CEP41: variants seen among roughly 807,000 people sequenced by gnomAD.
The protein encoded by CEP41 is centrosomal protein 41.
In CEP41, 32 loss-of-function variants were observed where a neutral mutation model predicts 44.3. The observed-to-expected ratio is 0.72, with a 90% CI of 0.54 to 0.97. The LOEUF (loss-of-function observed/expected upper bound fraction) is 0.97, where lower values mean the gene tolerates loss of function less well. Ranked by LOEUF, CEP41 falls within the 50% of genes least tolerant of loss-of-function variation. The pLI is 0.00. For synonymous variants in CEP41, 151 were observed against 168.5 expected (o/e 0.90, Z 0.80); for missense variants, 432 against 455.2 (o/e 0.95, Z 0.46).
chr7:130,426,853 C>T (rs1797679906), intron 2 of CEP41: 3 of 250,374 alleles, frequency 1.2e-5, no homozygotes, highest in South Asian at 7.8e-5. Flanking sequence ...TATTGAACTC[C>T]GAATAAATCA....
chr7:130,417,309 G>T lies in CEP41; in HGVS notation c.98-343C>A, dbSNP rs1376840219. On this transcript the variant is annotated intron_variant, in intron 2 of 10. Coordinates refer to ENST00000223208, the MANE Select transcript of CEP41 (RefSeq NM_018718.3). ...TTTTATCTCCCCTGCCCCCGCTGACGATCTTTTTGTGGGGAAGATACACAG... is the reference window on the plus strand; with the variant it reads ...TTTTATCTCCCCTGCCCCCGCTGACTATCTTTTTGTGGGGAAGATACACAG... The T allele has an allele frequency of 2.7e-6, 3 of 1,109,354 alleles. No homozygotes were observed. The East Asian group carries it at 2.1e-4, about 76-fold the overall frequency. The allele number at this position is 1,109,354 out of a possible 1,614,324, so 68.7% of individuals were successfully genotyped here.
At chr7:130,413,447 G>A (rs1484423317) in intron 3 of CEP41, among the ~76,000 whole-genome samples, 1 of 152,018 alleles carries the variant, frequency 6.6e-6, no homozygotes, top group East Asian at 1.9e-4. Flanking sequence ...TGGGCATGGT[G>A]GTGCACACCT....
intron 1 of CEP41, among the ~76,000 whole-genome samples, chr7:130,428,731 G>C (rs1797738740): frequency 6.6e-6 from 1 of 151,798 alleles, no homozygotes; most frequent in Non-Finnish European, 1.5e-5. Context: ...GGCCAACATG[G>C]TGAAACCCCT....
At chr7:130,414,635 C>T (rs1797280992) in intron 3 of CEP41, among the ~76,000 whole-genome samples, 1 of 152,210 alleles carries the variant, frequency 6.6e-6, no homozygotes, top group African/African-American at 2.4e-5. Flanking sequence ...GTCTTCTGCA[C>T]AAGCACTAGC....
chr7:130,398,356 T>C lies in CEP41; in HGVS notation c.*535A>G, dbSNP rs970391131. ...GCAATATGCTGGGCAGAGAGCTCCT[T>C]GCTGAGTGAGCCTGCTGGGGTGGGG... On this transcript the variant is annotated 3_prime_UTR_variant, in exon 11 of 11. Transcript: ENST00000223208. 3.5e-5 allele frequency: 16 copies of C among 453,976 alleles called. No individual in the cohort carries two copies. The highest frequency in any genetic ancestry group is 3.2e-4 in the African/African-American group (16 of 49,988). The allele number at this position is 453,976 out of a possible 1,614,324, so 28.1% of individuals were successfully genotyped here.
At chr7:130,437,789 GAAAAAGAAA>G (rs1798019135) in intron 1 of CEP41, among the ~76,000 whole-genome samples, 1 of 115,422 alleles carries the variant, frequency 8.7e-6, no homozygotes, top group Non-Finnish European at 1.8e-5. Flanking sequence ...AAAAAAAAAA[GAAAAAGAAA>G]AAAAAAGATG....
intron 10 of CEP41, 85 bp from the exon 11 acceptor site, chr7:130,399,124 C>T: frequency 6.5e-7 from 1 of 1,543,256 alleles, no homozygotes; most frequent in South Asian, 1.1e-5. Flanking sequence ...CTAATGAAGT[C>T]CTAGCCTACA....
chr7:130,406,656 T>G (rs1554418278), intron 5 of CEP41, among the ~76,000 whole-genome samples: 1 of 152,060 alleles, frequency 6.6e-6, no homozygotes, highest in Admixed American at 6.6e-5. Context: ...ATTTTGCATA[T>G]GATATGATAA....
chr7:130,417,068 C>T lies in CEP41; in HGVS notation c.98-102G>A, dbSNP rs1797359862. The T allele has an allele frequency of 8.8e-6, 12 of 1,356,040 alleles. No individual in the cohort carries two copies. In the South Asian group the frequency reaches 1.2e-4, roughly 13 times the overall value. The allele number at this position is 1,356,040 out of a possible 1,614,324, so 84.0% of individuals were successfully genotyped here. On this transcript the variant is annotated intron_variant, in intron 2 of 10. Transcript: ENST00000223208. ...AAAAGTATCCCCTAAGCTTTCCTAT[C>T]CTGTTCTTAGGGGATTCTGGACAGC...
chr7:130,395,619 A>G lies in CEP41; in HGVS notation c.*3272T>C. 2.2e-6 allele frequency: 1 copy of G among 454,134 alleles called. No homozygotes were observed. The highest frequency in any genetic ancestry group is 1.6e-5 in the South Asian group (1 of 64,478). 28.1% of individuals were successfully genotyped at this position (454,134 alleles called of 1,614,324 possible). On this transcript the variant is annotated 3_prime_UTR_variant, in exon 11 of 11. Coordinates refer to ENST00000223208, the MANE Select transcript of CEP41 (RefSeq NM_018718.3). ...CATGACAGAAACCAAAACCAACACA[A>G]GAAAAATTACCTACGTATTTCTTCC...
intron 9 of CEP41, 165 bp downstream of exon 9, chr7:130,400,542 T>A: frequency 1.5e-6 from 1 of 670,678 alleles, no homozygotes; most frequent in Non-Finnish European, 2.7e-6. Context: ...CATGTGCTGA[T>A]GAAGCTAAGG....
At chr7:130,427,499 A>G (rs947633142) in intron 2 of CEP41, among the ~76,000 whole-genome samples, 2 of 152,192 alleles carry the variant, frequency 1.3e-5, no homozygotes, top group Non-Finnish European at 2.9e-5. Flanking sequence ...AAAAAACACA[A>G]TTCATACTCA....
In CEP41 at chr7:130,397,461, A is replaced by G. The variant is rs1433092072; in HGVS notation, c.*1430T>C. On this transcript the variant is annotated 3_prime_UTR_variant, in exon 11 of 11. Coordinates refer to ENST00000223208, the MANE Select transcript of CEP41 (RefSeq NM_018718.3). Reference sequence around the variant, plus strand: ...TCTCTATGAGATATTTATTACGTTTATTTCTCATACAAACACAGCCCCCAT... The same window carrying G: ...TCTCTATGAGATATTTATTACGTTTGTTTCTCATACAAACACAGCCCCCAT... 2.5e-6 allele frequency: 1 copy of G among 405,124 alleles called. No homozygotes were observed. The highest frequency in any genetic ancestry group is 4.8e-6 in the Non-Finnish European group (1 of 210,258). The allele number at this position is 405,124 out of a possible 1,614,324, so 25.1% of individuals were successfully genotyped here.
At chr7:130,421,184 G>C in intron 2 of CEP41, 1 of 985,340 alleles carries the variant, frequency 1.0e-6, no homozygotes, top group South Asian at 4.7e-5. Context: ...TCATTCATTA[G>C]ATTTTTTCCA....
chr7:130,400,464 C>A lies in CEP41; in HGVS notation c.758-210G>T. 9 of 640,330 alleles carry A rather than the reference C, an allele frequency of 1.4e-5. No individual in the cohort carries two copies. The South Asian group carries it at 1.7e-4, about 12-fold the overall frequency. 39.7% of individuals were successfully genotyped at this position (640,330 alleles called of 1,614,324 possible). A position where few individuals can be genotyped will look rare whatever the true frequency, so the allele number is the denominator to read the frequency against. ...GGATTCTGAGAATTCCACAAGAAATCCTTTTGCTCGAGTCTTCAGCATTAG... is the reference window on the plus strand; with the variant it reads ...GGATTCTGAGAATTCCACAAGAAATACTTTTGCTCGAGTCTTCAGCATTAG... On this transcript the variant is annotated intron_variant, in intron 9 of 10. Transcript: ENST00000223208.
Position 130,402,661 on chromosome 7 carries a change from G to A in CEP41, c.561C>T (p.Cys187=). ...DVRDRDSYQQ[C]HIVGAYSYPI... ...TCTCTCTCTTACCTCCAACAATGTGGCACTGCTGGTAAGAATCTCTATCAC... is the reference window on the plus strand; with the variant it reads ...TCTCTCTCTTACCTCCAACAATGTGACACTGCTGGTAAGAATCTCTATCAC... The change falls in exon 7 of 11, where the codon TGC becomes TGT. Residue 187 remains cysteine (C), a synonymous_variant. Transcript: ENST00000223208. The A allele has an allele frequency of 6.2e-7, 1 of 1,614,074 alleles. No homozygotes were observed. Among genetic ancestry groups the A allele is most frequent in the Non-Finnish European group, 8.5e-7 (1 of 1,179,970 alleles).
chr7:130,396,704 G>A lies in CEP41; in HGVS notation c.*2187C>T, dbSNP rs1025013004. 7 of 454,376 alleles carry A rather than the reference G, an allele frequency of 1.5e-5. No homozygotes were observed. The highest frequency in any genetic ancestry group is 1.4e-4 in the African/African-American group (7 of 49,994). The allele number at this position is 454,376 out of a possible 1,614,324, so 28.1% of individuals were successfully genotyped here. A position where few individuals can be genotyped will look rare whatever the true frequency, so the allele number is the denominator to read the frequency against. On this transcript the variant is annotated 3_prime_UTR_variant, in exon 11 of 11. Coordinates refer to ENST00000223208, the MANE Select transcript of CEP41 (RefSeq NM_018718.3). ...GATATTAACACTTAACATGCAAAACGCAGATTAGAACAGCTCTTTTGAGCA... is the reference window on the plus strand; with the variant it reads ...GATATTAACACTTAACATGCAAAACACAGATTAGAACAGCTCTTTTGAGCA...
At position 130,394,548 on chromosome 7, in the gene CEP41, G is replaced by A. The variant is rs1554413758; in HGVS notation, c.*4343C>T. The A allele has an allele frequency of 4.4e-6, 2 of 454,078 alleles. No individual in the cohort carries two copies. Among genetic ancestry groups the A allele is most frequent in the Admixed American group, 4.7e-5 (2 of 42,572 alleles). The allele number at this position is 454,078 out of a possible 1,614,324, so 28.1% of individuals were successfully genotyped here. ...ATACTTTAAGCCTGGCAGAGACAGGGTAATAACACCCCCAGCAGCTCTCTG... is the reference window on the plus strand; with the variant it reads ...ATACTTTAAGCCTGGCAGAGACAGGATAATAACACCCCCAGCAGCTCTCTG... On this transcript the variant is annotated 3_prime_UTR_variant, in exon 11 of 11. Transcript: ENST00000223208.
intron 2 of CEP41, among the ~76,000 whole-genome samples, chr7:130,424,820 T>C (rs1584897297): frequency 1.3e-5 from 2 of 152,088 alleles, no homozygotes; most frequent in Admixed American, 6.5e-5. Context: ...GACAACAAAA[T>C]AATGATCCAT....
Sources: gnomAD v4.1 joint callset for allele counts (sites outside exome capture counted in the v4.1 genomes callset) on GRCh38, gnomAD v4.1.1 for gene constraint, MANE v1.5 for transcripts, NCBI Gene and HGNC (gene_info 2026-07-23, HGNC 2026-07-21) for gene names.